PTPRN2: variants seen among roughly 807,000 people sequenced by gnomAD.
The protein encoded by PTPRN2 is receptor-type tyrosine-protein phosphatase N2.
In PTPRN2, 74 loss-of-function variants were observed where a neutral mutation model predicts 118.8. That is an observed-to-expected ratio of 0.62 (90% CI 0.52 to 0.76). The LOEUF (loss-of-function observed/expected upper bound fraction) is 0.76. Ranked by LOEUF, PTPRN2 falls within the 30% of genes least tolerant of loss-of-function variation. The pLI is 0.00. For synonymous variants in PTPRN2, 641 were observed against 608.0 expected (o/e 1.05, Z -0.80); for missense variants, 1,481 against 1,394.4 (o/e 1.06, Z -0.99).
At chr7:157,846,479 A>G (rs4716506) in intron 12 of PTPRN2, among the ~76,000 whole-genome samples, 99,740 of 151,252 alleles carry the variant, frequency 0.66, 33,803 homozygotes, top group East Asian at 0.95. Context: ...GGGTGATACT[A>G]AGCTGCTGTG....
intron 5 of PTPRN2, among the ~76,000 whole-genome samples, chr7:158,176,049 C>T (rs73746407): frequency 0.021 from 3,131 of 152,082 alleles, 96 homozygotes; most frequent in African/African-American, 0.072. Context: ...GCCGTGAGGC[C>T]AGCACTGCTC....
chr7:158,331,599 A>T (rs56165966), intron 2 of PTPRN2, among the ~76,000 whole-genome samples: 4 of 90,254 alleles, frequency 4.4e-5, no homozygotes, highest in Non-Finnish European at 9.0e-5. Context: ...AGAGCTGAGG[A>T]CCACAGAGGT....
chr7:157,658,661 C>A (rs1392507698), intron 13 of PTPRN2, among the ~76,000 whole-genome samples: 20 of 152,234 alleles, frequency 1.3e-4, no homozygotes, highest in Admixed American at 1.2e-3. Flanking sequence ...TGACGTCTGA[C>A]CAACAATCTC....
chr7:158,262,240 G>A (rs1797451363), intron 3 of PTPRN2, among the ~76,000 whole-genome samples: 1 of 152,086 alleles, frequency 6.6e-6, no homozygotes, highest in South Asian at 2.1e-4. Context: ...GGACACACAG[G>A]CACTCACACT....
At chr7:157,999,035 C>T (rs539359009) in intron 11 of PTPRN2, among the ~76,000 whole-genome samples, 5 of 151,996 alleles carry the variant, frequency 3.3e-5, no homozygotes, top group South Asian at 2.1e-4. Context: ...GTCCCGGGTC[C>T]GATCCTGGCT....
intron 1 of PTPRN2, among the ~76,000 whole-genome samples, chr7:158,536,866 A>C (rs1825679439): frequency 6.6e-6 from 1 of 152,218 alleles, no homozygotes; most frequent in Non-Finnish European, 1.5e-5. Flanking sequence ...ATAAGACGGG[A>C]CTCAGGAAAA....
chr7:157,826,251 G>A (rs1436906646), intron 12 of PTPRN2, among the ~76,000 whole-genome samples: 1 of 120,422 alleles, frequency 8.3e-6, no homozygotes, highest in Non-Finnish European at 1.7e-5. Context: ...CGCGTGCTGT[G>A]CAAAGACGGC....
Position 158,574,697 on chromosome 7 carries a change from T to C in PTPRN2, c.112+12861A>G, listed in dbSNP as rs928581205. ...GGGGCCAATACTTCTTTCTTTCTTT[T>C]AAAGTTTGTTCTGCCATAATTTAGG... On this transcript the variant is annotated intron_variant, in intron 1 of 22. Transcript: ENST00000389418. This position sits in a 1 kb window ranked among gnomAD's most constrained non-coding sequence, Gnocchi z 4.6. 6.6e-6 allele frequency among the ~76,000 whole-genome samples: 1 copy of C among 152,236 alleles called. No individual in the cohort carries two copies. Among genetic ancestry groups the C allele is most frequent in the Non-Finnish European group, 1.5e-5 (1 of 68,050 alleles).
rs11980070 is a variant in PTPRN2, at chr7:158,510,238, G to A, written c.113-20453C>T. On this transcript the variant is annotated intron_variant, in intron 1 of 22. Coordinates refer to ENST00000389418, the MANE Select transcript of PTPRN2 (RefSeq NM_002847.5). ...TTCAATGTTACAACTTGGCATCCTC[G>A]GCTTCTCCCTCTTGGGTTCTGGGGG... Among the ~76,000 whole-genome samples, 1,389 of 152,286 alleles carry A rather than the reference G, an allele frequency of 9.1e-3. 23 individuals are homozygous for A. The highest frequency in any genetic ancestry group is 0.031 in the African/African-American group (1,276 of 41,562).
intron 3 of PTPRN2, among the ~76,000 whole-genome samples, chr7:158,262,526 T>TC (rs1797512260): frequency 9.2e-6 from 1 of 109,114 alleles, no homozygotes; most frequent in Non-Finnish European, 1.8e-5. Flanking sequence ...ATTCACACAC[T>TC]GCACACATAC....
In PTPRN2 at chr7:158,181,179, C is replaced by T. The variant is rs188355647; in HGVS notation, c.549+11148G>A. Among the ~76,000 whole-genome samples the T allele has an allele frequency of 6.9e-3, 1,056 of 152,198 alleles. 30 individuals carry two copies. The highest frequency in any genetic ancestry group is 0.047 in the Admixed American group (713 of 15,294). ...TGCTGGGTTTTATTGAATGCTTTTCCTGCATCTATTGAGATAATCGTATGG... is the reference window on the plus strand; with the variant it reads ...TGCTGGGTTTTATTGAATGCTTTTCTTGCATCTATTGAGATAATCGTATGG... On this transcript the variant is annotated intron_variant, in intron 5 of 22. Transcript: ENST00000389418.
rs371457700 is a variant in PTPRN2, at chr7:157,539,823, C to A, written c.*891G>T. Reference sequence around the variant, plus strand: ...TCCGGGACGTGCCTGGAGGAGCCAGCGGGGGCCTGGCAGGGTTCGTGTGCT... The same window carrying A: ...TCCGGGACGTGCCTGGAGGAGCCAGAGGGGGCCTGGCAGGGTTCGTGTGCT... On this transcript the variant is annotated 3_prime_UTR_variant, in exon 23 of 23. Transcript: ENST00000389418. The A allele has an allele frequency of 6.6e-6, 1 of 152,308 alleles. No homozygotes were observed. Among genetic ancestry groups the A allele is most frequent in the Non-Finnish European group, 1.5e-5 (1 of 68,100 alleles). The allele number at this position is 152,308 out of a possible 1,614,324, so 9.4% of individuals were successfully genotyped here.
chr7:158,275,912 A>G (rs540757382), intron 3 of PTPRN2, among the ~76,000 whole-genome samples: 2 of 152,302 alleles, frequency 1.3e-5, no homozygotes, highest in East Asian at 3.9e-4. Flanking sequence ...TCCCTCCGCC[A>G]TCCTGAGAAC....
Position 158,550,470 on chromosome 7 carries a change from T to A in PTPRN2, c.112+37088A>T, listed in dbSNP as rs74936452. On this transcript the variant is annotated intron_variant, in intron 1 of 22. Coordinates refer to ENST00000389418, the MANE Select transcript of PTPRN2 (RefSeq NM_002847.5). ...TCAGGTGCCTCCCCTAAGACAGGGC[T>A]GAGGTCTGGGCAGGGAGAGGGGCTT... Among the ~76,000 whole-genome samples, 417 of 152,336 alleles carry A rather than the reference T, an allele frequency of 2.7e-3. 3 individuals are homozygous for A. The highest frequency in any genetic ancestry group is 9.5e-3 in the African/African-American group (393 of 41,576).
intron 11 of PTPRN2, among the ~76,000 whole-genome samples, chr7:158,039,875 T>A (rs577651443): frequency 6.6e-6 from 1 of 152,288 alleles, no homozygotes; most frequent in South Asian, 2.1e-4. Context: ...ACGGACAATG[T>A]GTAGGAACAG....
intron 2 of PTPRN2, among the ~76,000 whole-genome samples, chr7:158,486,515 AAGCTGTTCC>A (rs1267057064): frequency 8.5e-5 from 13 of 152,196 alleles, no homozygotes; most frequent in Non-Finnish European, 1.8e-4. Flanking sequence ...TCTTTTCTAC[AAGCTGTTCC>A]AGGATTATGT....
intron 12 of PTPRN2, among the ~76,000 whole-genome samples, chr7:157,781,560 C>T (rs1231076641): frequency 6.6e-6 from 1 of 152,154 alleles, no homozygotes; most frequent in Non-Finnish European, 1.5e-5. Context: ...CCCAGAGAGC[C>T]TGGTTTTATT....
At chr7:158,511,907 T>C (rs1221771581) in intron 1 of PTPRN2, among the ~76,000 whole-genome samples, 1 of 152,114 alleles carries the variant, frequency 6.6e-6, no homozygotes, top group Non-Finnish European at 1.5e-5. Flanking sequence ...AAGGGAGATG[T>C]GAGTATGTGA....
intron 11 of PTPRN2, among the ~76,000 whole-genome samples, chr7:157,913,998 G>C (rs1169826635): frequency 6.6e-6 from 1 of 152,096 alleles, no homozygotes; most frequent in Non-Finnish European, 1.5e-5. Context: ...CAGGGCTATT[G>C]GAGTTTTTCA....
Sources: allele counts gnomAD v4.1 joint callset (sites outside exome capture counted in the v4.1 genomes callset), GRCh38; gene constraint gnomAD v4.1.1; non-coding constraint Gnocchi (gnomAD v3.1); transcripts MANE v1.5; gene names NCBI Gene and HGNC (gene_info 2026-07-23, HGNC 2026-07-21).